Variants in THEM4 observed in about 807,000 individuals in gnomAD.
THEM4 encodes acyl-coenzyme A thioesterase THEM4.
THEM4 carries 22 observed loss-of-function variants against 25.0 expected under a neutral mutation model. That is an observed-to-expected ratio of 0.88 (90% confidence interval 0.63 to 1.26). The LOEUF (loss-of-function observed/expected upper bound fraction) is 1.26. Ranked by LOEUF, THEM4 falls within the 50% of genes most tolerant of loss-of-function variation. THEM4 has a pLI of 0.00. For missense variants in THEM4, 286 were observed against 300.3 expected (o/e 0.95, Z 0.35); for synonymous variants, 113 against 105.6 (o/e 1.07, Z -0.43).
At chr1:151,905,560 G>A (rs994869365) in intron 1 of THEM4, among the ~76,000 whole-genome samples, 3 of 152,132 alleles carry the variant, frequency 2.0e-5, no homozygotes, top group East Asian at 1.9e-4. Context: ...TCATCCCAAA[G>A]GCAGTAACAG....
Position 151,872,244 on chromosome 1 carries a change from G to A in THEM4, c.*2644C>T, listed in dbSNP as rs1653570326. Among the ~76,000 whole-genome samples, 2 of 152,172 alleles carry A rather than the reference G, an allele frequency of 1.3e-5. No homozygotes were observed. Among genetic ancestry groups the A allele is most frequent in the African/African-American group, 4.8e-5 (2 of 41,438 alleles). ...TCTTCCTCTGGCTTGGCCATCCCAG[G>A]TCAGTCAGCTCTGGCAATGGAGGGC... On this transcript the variant is annotated 3_prime_UTR_variant, in exon 6 of 6. Coordinates refer to ENST00000368814, the MANE Select transcript of THEM4 (RefSeq NM_053055.5).
chr1:151,889,608 T>A, intron 2 of THEM4: 1 of 440,948 alleles, frequency 2.3e-6, no homozygotes, highest in Non-Finnish European at 4.0e-6. Flanking sequence ...GAAATCAAAA[T>A]GAAGTACCCA....
intron 5 of THEM4, among the ~76,000 whole-genome samples, chr1:151,876,189 G>T (rs1653666714): frequency 6.6e-6 from 1 of 152,120 alleles, no homozygotes. Context: ...CTTATTTATG[G>T]TATCACAATA....
At chr1:151,884,230 G>A (rs754169814) in intron 4 of THEM4, among the ~76,000 whole-genome samples, 5 of 151,944 alleles carry the variant, frequency 3.3e-5, no homozygotes, top group Admixed American at 2.0e-4. Flanking sequence ...AAAAGCAATC[G>A]AAACTCTAAA....
intron 2 of THEM4, chr1:151,894,723 G>C: frequency 1.2e-5 from 7 of 571,808 alleles, no homozygotes; most frequent in Non-Finnish European, 2.1e-5. Context: ...AAGACGGAGA[G>C]GTGATGAGGT....
rs779846162 is a variant in THEM4, at chr1:151,888,294, T to C, written c.536A>G (p.Asn179Ser). ...TTACCTTTTATAATTGATGTTGAGA[T>C]TGGCAGTCATGACGATTCCCCCAGC... ...MMAGGIVMTA[N>S]LNINYKRPIP... Residue 179 changes from asparagine (N) to serine (S), a missense_variant, in exon 4 of 6, where the codon AAT (asparagine) becomes AGT (serine). Coordinates refer to ENST00000368814, the MANE Select transcript of THEM4 (RefSeq NM_053055.5). The C allele has an allele frequency of 1.8e-5, 29 of 1,613,104 alleles. No individual in the cohort carries two copies. The highest frequency in any genetic ancestry group is 2.4e-5 in the Non-Finnish European group (28 of 1,179,502).
chr1:151,884,764 C>T (rs867124642), intron 4 of THEM4, among the ~76,000 whole-genome samples: 3 of 151,328 alleles, frequency 2.0e-5, no homozygotes, highest in African/African-American at 7.3e-5. Context: ...TCTCTGCTCA[C>T]TGCAACCTCT....
intron 4 of THEM4, among the ~76,000 whole-genome samples, chr1:151,886,715 T>G (rs534253006): frequency 1.3e-5 from 2 of 152,232 alleles, no homozygotes; most frequent in African/African-American, 4.8e-5. Flanking sequence ...GGTTTAAAGG[T>G]TAAAAATCTA....
chr1:151,875,223 T>A (rs1653646901), intron 5 of THEM4, among the ~76,000 whole-genome samples: 1 of 152,228 alleles, frequency 6.6e-6, no homozygotes, highest in African/African-American at 2.4e-5. Flanking sequence ...GGCACCTTTA[T>A]GATATTGAAA....
rs539108318 is a variant in THEM4 at position 151,890,184 on chromosome 1, C to T, written c.287-811G>A. 339 of 457,328 alleles carry T rather than the reference C, an allele frequency of 7.4e-4. 8 individuals carry two copies. The highest frequency in any genetic ancestry group is 5.2e-3 in the South Asian group (334 of 64,518). The allele number at this position is 457,328 out of a possible 1,614,324, so 28.3% of individuals were successfully genotyped here. On this transcript the variant is annotated intron_variant, in intron 2 of 5. Coordinates refer to ENST00000368814, the MANE Select transcript of THEM4 (RefSeq NM_053055.5). Reference sequence around the variant, plus strand: ...CCTCCCAAAGTGCTGGGATTATAGGCGTGAGCCACAGCGCCCGGCCATTAA... The same window carrying T: ...CCTCCCAAAGTGCTGGGATTATAGGTGTGAGCCACAGCGCCCGGCCATTAA...
chr1:151,906,512 A>G (rs181635599), intron 1 of THEM4, among the ~76,000 whole-genome samples: 121 of 152,344 alleles, frequency 7.9e-4, no homozygotes, highest in Middle Eastern at 3.4e-3. Flanking sequence ...CCAAGGGCTG[A>G]GGAGTGTGGG....
chr1:151,884,697 T>TG (rs397817313), intron 4 of THEM4, among the ~76,000 whole-genome samples: 1 of 150,984 alleles, frequency 6.6e-6, no homozygotes, highest in African/African-American at 2.4e-5. Flanking sequence ...GTTTTTTTTT[T>TG]GTTTTTTTTG....
chr1:151,883,303 T>C lies in THEM4; in HGVS notation c.557+4970A>G, dbSNP rs1653887630. On this transcript the variant is annotated intron_variant, in intron 4 of 5. Coordinates refer to ENST00000368814, the MANE Select transcript of THEM4 (RefSeq NM_053055.5). ...TTTTTTTTTGCATTTTCAGTAGAGA[T>C]GGGGTTTCACCATGTTGGTCAGGCT... Among the ~76,000 whole-genome samples the C allele has an allele frequency of 3.3e-5, 5 of 151,994 alleles. No individual in the cohort carries two copies. In the East Asian group the frequency reaches 9.7e-4, roughly 30 times the overall value.
chr1:151,896,353 G>C (rs1002659541), intron 1 of THEM4, among the ~76,000 whole-genome samples: 7 of 152,068 alleles, frequency 4.6e-5, no homozygotes, highest in African/African-American at 1.7e-4. Flanking sequence ...CATGCTTCCT[G>C]TATAGCCTGT....
intron 4 of THEM4, among the ~76,000 whole-genome samples, chr1:151,883,444 A>C (rs1653890014): frequency 6.6e-6 from 1 of 152,008 alleles, no homozygotes; most frequent in Admixed American, 6.6e-5. Context: ...ATCAGATTTC[A>C]TAAGAACTCA....
intron 1 of THEM4, among the ~76,000 whole-genome samples, chr1:151,899,541 TA>T (rs1420282924): frequency 1.4e-5 from 2 of 145,372 alleles, no homozygotes; most frequent in African/African-American, 5.1e-5. Context: ...GAAAAAACAA[TA>T]AAAAATTCAG....
rs534187134 is a variant in THEM4, at chr1:151,871,628, A to T, written c.*3260T>A. Among the ~76,000 whole-genome samples the T allele has an allele frequency of 6.6e-6, 1 of 152,228 alleles. No individual in the cohort carries two copies. The highest frequency in any genetic ancestry group is 2.4e-5 in the African/African-American group (1 of 41,446). ...GGGAACCCTATGTTAACAGTGACTG[A>T]GCTTTTTCCTTAGTTGATCTTGTGC... On this transcript the variant is annotated 3_prime_UTR_variant, in exon 6 of 6. Coordinates refer to ENST00000368814, the MANE Select transcript of THEM4 (RefSeq NM_053055.5).
chr1:151,893,631 G>A (rs551183928), intron 2 of THEM4, among the ~76,000 whole-genome samples: 1 of 151,160 alleles, frequency 6.6e-6, no homozygotes, highest in Non-Finnish European at 1.5e-5. Flanking sequence ...ACAGATGCAG[G>A]GGGGAGGATA....
intron 1 of THEM4, among the ~76,000 whole-genome samples, chr1:151,897,254 A>G (rs181864623): frequency 8.5e-5 from 13 of 152,326 alleles, no homozygotes; most frequent in South Asian, 8.3e-4. Flanking sequence ...TAATGTACCT[A>G]CAATACACAC....
Sources: gnomAD v4.1 joint callset for allele counts (sites outside exome capture counted in the v4.1 genomes callset) on GRCh38, gnomAD v4.1.1 for gene constraint, MANE v1.5 for transcripts, NCBI Gene and HGNC (gene_info 2026-07-23, HGNC 2026-07-21) for gene names.